The following STOX1 variants were observed in gnomAD, a reference collection of about 807,000 sequenced individuals.
STOX1 encodes the protein storkhead-box protein 1.
STOX1 carries 57 observed loss-of-function variants against 74.8 expected under a neutral mutation model. That is an observed-to-expected ratio of 0.76 (90% CI 0.62 to 0.95). STOX1 has a LOEUF of 0.95. STOX1 is among the 40% of genes least tolerant of loss of function. STOX1 has a pLI of 0.00. For missense variants in STOX1, 1,010 were observed against 1,117.0 expected, an observed-to-expected ratio of 0.90 and a Z score of 1.37; for synonymous variants, 375 against 401.3, an observed-to-expected ratio of 0.93 and a Z score of 0.78.
chr10:68,889,956 A>AT lies in STOX1; in HGVS notation c.2823-2621dup, dbSNP rs554853780. On this transcript the variant is annotated intron_variant, in intron 3 of 3. Transcript: ENST00000298596. ...AGCTATTTTGTGTGTGTGTGTGTGT[A>AT]TTTTTTTTTTTTAACAGAGATGAGG... Among the ~76,000 whole-genome samples the AT allele has an allele frequency of 1.6e-3, 207 of 130,258 alleles. 2 individuals carry two copies. The highest frequency in any genetic ancestry group is 3.7e-3 in the African/African-American group (128 of 34,640). The allele number at this position is 130,258 out of a possible 152,430, so 85.5% of individuals were successfully genotyped here.
chr10:68,842,689 G>A (rs567720016), intron 1 of STOX1, among the ~76,000 whole-genome samples: 3 of 151,674 alleles, frequency 2.0e-5, no homozygotes, highest in Admixed American at 1.3e-4. Context: ...ATGGGTACCC[G>A]CCACCACACC....
rs1190067718 is a variant in STOX1 at position 68,892,679 on chromosome 10, C to A, written c.2913C>A (p.Ser971Arg). The A allele has an allele frequency of 1.2e-6, 2 of 1,613,956 alleles. No homozygotes were observed. Among genetic ancestry groups the A allele is most frequent in the Admixed American group, 3.3e-5 (2 of 60,018 alleles). ...TGCAAAATGTCGAAGGCACAAAGAG[C>A]AGTCAACCACTCACATCTAATTCCT... The part of the protein sequence containing the change: ...NFLQNVEGTK[S>R]SQPLTSNSLL... The change falls in exon 4 of 4, where the codon AGC becomes AGA. Residue 971 changes from serine to arginine, a missense_variant. By Grantham distance (110) the Ser-to-Arg change is moderately radical (BLOSUM62 -1). Transcript: ENST00000298596.
At chr10:68,847,671 A>ATCCC (rs1168114945) in intron 1 of STOX1, among the ~76,000 whole-genome samples, 1 of 151,646 alleles carries the variant, frequency 6.6e-6, no homozygotes, top group East Asian at 1.9e-4. Flanking sequence ...CGGCTTCCCA[A>ATCCC]AGTGCTGGGA....
intron 1 of STOX1, among the ~76,000 whole-genome samples, chr10:68,865,279 G>A (rs1425844951): frequency 4.8e-5 from 7 of 146,934 alleles, no homozygotes; most frequent in South Asian, 4.2e-4. Context: ...CGCAGGAATC[G>A]TAAATGCAAA....
At chr10:68,829,097 T>G (rs1177451964) in intron 1 of STOX1, 2 of 584,506 alleles carry the variant, frequency 3.4e-6, no homozygotes, top group Admixed American at 6.3e-5. Flanking sequence ...GTTCCGCGCT[T>G]AATTTTCATT....
At chr10:68,841,088 A>G (rs1248202695) in intron 1 of STOX1, among the ~76,000 whole-genome samples, 5 of 151,938 alleles carry the variant, frequency 3.3e-5, no homozygotes, top group African/African-American at 1.2e-4. Context: ...GCTGGACTAC[A>G]GGTGCCTACC....
intron 1 of STOX1, among the ~76,000 whole-genome samples, chr10:68,840,813 G>A (rs1002748354): frequency 2.0e-5 from 3 of 151,990 alleles, no homozygotes; most frequent in African/African-American, 2.4e-5. Context: ...CTGCCGCCTC[G>A]GCCTCCCAAA....
rs1160388935 is a variant in STOX1, at chr10:68,874,013, C to CTTTTTTTTTTTTTTTT, written c.311-7937_311-7922dup. 1.6e-4 allele frequency among the ~76,000 whole-genome samples: 4 copies of CTTTTTTTTTTTTTTTT among 25,758 alleles called. 1 individual carries two copies. Among genetic ancestry groups the CTTTTTTTTTTTTTTTT allele is most frequent in the African/African-American group, 5.4e-4 (3 of 5,542 alleles). The allele number at this position is 25,758 out of a possible 152,430, so 16.9% of individuals were successfully genotyped here. A position where few individuals can be genotyped will look rare whatever the true frequency, so the allele number is the denominator to read the frequency against. ...GAAAAATTGCAGATAGCTAGGTAGC[C>CTTTTTTTTTTTTTTTT]TTTTTTTTTTTTTTTTTTTTTTTGC... On this transcript the variant is annotated intron_variant, in intron 1 of 3. Transcript: ENST00000298596.
At chr10:68,847,546 A>G (rs948397870) in intron 1 of STOX1, among the ~76,000 whole-genome samples, 4 of 151,924 alleles carry the variant, frequency 2.6e-5, no homozygotes, top group Admixed American at 2.6e-4. Flanking sequence ...AGTAGCTGGG[A>G]TCACAGGCGT....
rs7904495 is a variant in STOX1, at chr10:68,886,694, C to T, written c.2822+76C>T. 7,923 of 1,365,892 alleles carry T rather than the reference C, an allele frequency of 5.8e-3. 340 individuals are homozygous for T. In the African/African-American group the frequency reaches 0.099, roughly 17 times the overall value. The allele number at this position is 1,365,892 out of a possible 1,614,324, so 84.6% of individuals were successfully genotyped here. A position where few individuals can be genotyped will look rare whatever the true frequency, so the allele number is the denominator to read the frequency against. The stretch of plus-strand genomic sequence containing the variant: ...CTGTAATCCCAGCATTTTGGGAGGC[C>T]GAGGCGGGCAGATCACGAGGTCAAG... On this transcript the variant is annotated intron_variant, in intron 3 of 3. Coordinates refer to ENST00000298596, the MANE Select transcript of STOX1 (RefSeq NM_152709.5).
intron 1 of STOX1, among the ~76,000 whole-genome samples, chr10:68,861,104 C>A (rs1432545267): frequency 3.9e-5 from 6 of 152,016 alleles, no homozygotes; most frequent in Admixed American, 3.9e-4. Flanking sequence ...CTGAGACCAG[C>A]TCAGTCATGG....
intron 1 of STOX1, among the ~76,000 whole-genome samples, chr10:68,867,929 G>A (rs1327391118): frequency 6.6e-6 from 1 of 152,264 alleles, no homozygotes; most frequent in Non-Finnish European, 1.5e-5. Context: ...AGGAGCTGCT[G>A]AAGCAGACTC....
intron 1 of STOX1, among the ~76,000 whole-genome samples, chr10:68,848,404 G>T (rs1407787608): frequency 6.6e-6 from 1 of 152,146 alleles, no homozygotes; most frequent in South Asian, 2.1e-4. Flanking sequence ...CCCAGCTTTT[G>T]TGTGGGCTTT....
At position 68,889,093 on chromosome 10, in the gene STOX1, A is replaced by G. The variant is rs7090097; in HGVS notation, c.2822+2475A>G. Among the ~76,000 whole-genome samples, 323 of 151,588 alleles carry G rather than the reference A, an allele frequency of 2.1e-3. 3 individuals are homozygous for G. Among genetic ancestry groups the G allele is most frequent in the African/African-American group, 7.2e-3 (299 of 41,290 alleles). On this transcript the variant is annotated intron_variant, in intron 3 of 3. Coordinates refer to ENST00000298596, the MANE Select transcript of STOX1 (RefSeq NM_152709.5). ...CCTCCTCGGCTCAAGCCATCCCCCA[A>G]CCTCAGCTTCTGGAGTAGCTTGGAT...
chr10:68,865,927 C>T (rs111484529), intron 1 of STOX1, among the ~76,000 whole-genome samples: 5,037 of 152,128 alleles, frequency 0.033, 173 homozygotes, highest in African/African-American at 0.087. Context: ...GCCATTTTAA[C>T]GGGATAGGAT....
At chr10:68,871,995 CA>C (rs1187066024) in intron 1 of STOX1, among the ~76,000 whole-genome samples, 1 of 152,124 alleles carries the variant, frequency 6.6e-6, no homozygotes, top group African/African-American at 2.4e-5. Flanking sequence ...TTACTTTGAA[CA>C]AAACATCCTT....
intron 1 of STOX1, among the ~76,000 whole-genome samples, chr10:68,871,344 A>G (rs1300172486): frequency 1.3e-5 from 2 of 152,228 alleles, no homozygotes; most frequent in Admixed American, 6.5e-5. Context: ...GGTCTGTTCC[A>G]GGCCCTCTGA....
At chr10:68,893,709 A>G (rs1375054069), downstream of STOX1, among the ~76,000 whole-genome samples, 2 of 152,118 alleles carry the variant, frequency 1.3e-5, no homozygotes, top group African/African-American at 4.8e-5. Flanking sequence ...GAGCCACCGC[A>G]CCTGACCCAG....
At position 68,884,866 on chromosome 10, in the gene STOX1, T is replaced by C. The variant is rs370493613; in HGVS notation, c.1070T>C (p.Val357Ala). 5 of 1,614,002 alleles carry C rather than the reference T, an allele frequency of 3.1e-6. No homozygotes were observed. Among genetic ancestry groups the C allele is most frequent in the African/African-American group, 2.7e-5 (2 of 75,010 alleles). Reference protein sequence around the residue: ...EDDLDNIPRDVEHEIIKRINP... With the variant: ...EDDLDNIPRDAEHEIIKRINP... ...GACTTGGACAATATCCCTCGAGATG[T>C]TGAACATGAGATAATCAAACGAATT... The change falls in exon 3 of 4, where the codon GTT (valine) becomes GCT (alanine). Residue 357 changes from valine to alanine, a missense_variant. Transcript: ENST00000298596.
Sources: allele counts gnomAD v4.1 joint callset (sites outside exome capture counted in the v4.1 genomes callset), GRCh38; gene constraint gnomAD v4.1.1; transcripts MANE v1.5; gene names NCBI Gene and HGNC (gene_info 2026-07-23, HGNC 2026-07-21).